The following ACVR1 variants were observed in gnomAD, a reference collection of about 807,000 sequenced individuals.
The protein encoded by ACVR1 is activin A receptor type 1, also known as activin receptor type-1.
A neutral mutation model predicts 57.1 loss-of-function variants in ACVR1; 38 were observed. The observed-to-expected ratio is 0.67, with a 90% CI of 0.51 to 0.87. The LOEUF (loss-of-function observed/expected upper bound fraction) is 0.87. Ranked by LOEUF, ACVR1 falls within the 40% of genes least tolerant of loss-of-function variation. The probability of loss-of-function intolerance (pLI) is 0.00; values close to 1 mark genes in which losing one functional copy is unlikely to be tolerated. For missense variants in ACVR1, 463 were observed against 638.2 expected, an observed-to-expected ratio of 0.73 and a Z score of 2.96; for synonymous variants, 212 against 228.1, an observed-to-expected ratio of 0.93 and a Z score of 0.63.
At chr2:157,797,975 A>G (rs1192097581) in intron 3 of ACVR1, among the ~76,000 whole-genome samples, 1 of 152,184 alleles carries the variant, frequency 6.6e-6, no homozygotes. Flanking sequence ...CCCTTACCAG[A>G]CACTGAATCT....
At chr2:157,764,697 G>A (rs1448118050) in intron 8 of ACVR1, among the ~76,000 whole-genome samples, 2 of 152,080 alleles carry the variant, frequency 1.3e-5, no homozygotes, top group East Asian at 3.9e-4. Flanking sequence ...AAAATACAGG[G>A]TAATTGAGAA....
chr2:157,784,145 A>G (rs915780108), intron 3 of ACVR1, among the ~76,000 whole-genome samples: 1 of 152,194 alleles, frequency 6.6e-6, no homozygotes, highest in African/African-American at 2.4e-5. Flanking sequence ...TGTCAAATTT[A>G]GGAATAAGCA....
intron 1 of ACVR1, among the ~76,000 whole-genome samples, chr2:157,856,621 T>C (rs1689542730): frequency 6.6e-6 from 1 of 152,192 alleles, no homozygotes; most frequent in Non-Finnish European, 1.5e-5. Flanking sequence ...TGAGCTTTGT[T>C]ACAGGGGCTA....
chr2:157,838,966 T>C (rs180926801), intron 1 of ACVR1, among the ~76,000 whole-genome samples: 4 of 152,280 alleles, frequency 2.6e-5, no homozygotes, highest in African/African-American at 9.6e-5. Context: ...AATGCACCAA[T>C]AACTATACTT....
intron 3 of ACVR1, among the ~76,000 whole-genome samples, chr2:157,790,545 T>C (rs929022847): frequency 1.3e-5 from 2 of 152,386 alleles, no homozygotes; most frequent in Admixed American, 1.3e-4. Flanking sequence ...CAGCTCTGGC[T>C]TCTGCTTTCA....
At chr2:157,737,697 C>T in intron 10 of ACVR1, 32 bp from the exon 11 acceptor site, 1 of 1,613,984 alleles carries the variant, frequency 6.2e-7, no homozygotes, top group Admixed American at 1.7e-5. Flanking sequence ...ACCACAATGA[C>T]AAACTGGCTT....
intron 3 of ACVR1, among the ~76,000 whole-genome samples, chr2:157,781,693 A>G (rs1686531106): frequency 6.6e-6 from 1 of 152,208 alleles, no homozygotes; most frequent in East Asian, 1.9e-4. Context: ...AAGCACATCT[A>G]ATCACTCTGC....
At chr2:157,845,846 G>A (rs775435386) in intron 1 of ACVR1, among the ~76,000 whole-genome samples, 3 of 152,186 alleles carry the variant, frequency 2.0e-5, no homozygotes, top group Non-Finnish European at 4.4e-5. Flanking sequence ...ATTAGCCAAT[G>A]GGGAGTCACC....
At position 157,773,722 on chromosome 2, in the gene ACVR1, A is replaced by C. The variant is rs376595764; in HGVS notation, c.643+366T>G. The stretch of plus-strand genomic sequence containing the variant: ...AAGAAGAAAAGAATGAGAGGAATTA[A>C]AGAATTGCAATAAAGAAGTTCATTG... On this transcript the variant is annotated intron_variant, in intron 6 of 10. Transcript: ENST00000434821. Among the ~76,000 whole-genome samples, 10 of 152,230 alleles carry C rather than the reference A, an allele frequency of 6.6e-5. No individual in the cohort carries two copies. In the East Asian group the frequency reaches 1.9e-3, roughly 29 times the overall value.
chr2:157,784,812 G>A (rs142395398), intron 3 of ACVR1, among the ~76,000 whole-genome samples: 132 of 152,298 alleles, frequency 8.7e-4, no homozygotes, highest in Non-Finnish European at 9.4e-4. Flanking sequence ...TCACCACCTG[G>A]GCACACCTCC....
intron 9 of ACVR1, among the ~76,000 whole-genome samples, chr2:157,755,112 A>G (rs1685371688): frequency 1.3e-5 from 2 of 152,278 alleles, no homozygotes; most frequent in South Asian, 4.1e-4. Flanking sequence ...ACATACCTCA[A>G]TGTAATAAAA....
intron 1 of ACVR1, among the ~76,000 whole-genome samples, chr2:157,855,340 ACAC>A (rs1558848513): frequency 0.011 from 1,448 of 133,186 alleles, 21 homozygotes; most frequent in African/African-American, 0.038. Flanking sequence ...ACACACACAC[ACAC>A]ACAAAAATTA....
At chr2:157,814,284 T>C (rs971864949) in intron 2 of ACVR1, among the ~76,000 whole-genome samples, 3 of 152,126 alleles carry the variant, frequency 2.0e-5, no homozygotes, top group Admixed American at 1.3e-4. Context: ...ATTTTGATAA[T>C]AAAAATCATA....
chr2:157,829,191 G>C (rs141960785), intron 1 of ACVR1, among the ~76,000 whole-genome samples: 1 of 152,132 alleles, frequency 6.6e-6, no homozygotes, highest in African/African-American at 2.4e-5. Flanking sequence ...GTCTCTCAAG[G>C]GAGCAAAAGA....
intron 1 of ACVR1, among the ~76,000 whole-genome samples, chr2:157,838,701 CGAG>C (rs1688874821): frequency 6.6e-6 from 1 of 152,088 alleles, no homozygotes. Flanking sequence ...CTGCAGATTC[CGAG>C]GAGGGTCAAG....
chr2:157,757,891 A>C (rs548166758), intron 9 of ACVR1, among the ~76,000 whole-genome samples: 14 of 151,514 alleles, frequency 9.2e-5, no homozygotes, highest in South Asian at 6.2e-4. Flanking sequence ...CACACACACA[A>C]AAACAAACAG....
intron 8 of ACVR1, among the ~76,000 whole-genome samples, chr2:157,763,417 T>A (rs958404077): frequency 5.3e-5 from 8 of 152,144 alleles, no homozygotes; most frequent in African/African-American, 1.9e-4. Flanking sequence ...TTGAATTTTT[T>A]AATAATAAAA....
chr2:157,762,168 C>A (rs193231561), intron 8 of ACVR1, among the ~76,000 whole-genome samples: 1 of 152,308 alleles, frequency 6.6e-6, no homozygotes, highest in African/African-American at 2.4e-5. Context: ...AAATCCTATG[C>A]AATAGTCCCC....
At chr2:157,848,300 C>T (rs1689187024) in intron 1 of ACVR1, among the ~76,000 whole-genome samples, 1 of 151,800 alleles carries the variant, frequency 6.6e-6, no homozygotes, top group Admixed American at 6.6e-5. Context: ...GAAGCTTCCA[C>T]TTCCTGTCTT....
Sources: gnomAD v4.1 joint callset for allele counts (sites outside exome capture counted in the v4.1 genomes callset) on GRCh38, gnomAD v4.1.1 for gene constraint, MANE v1.5 for transcripts, NCBI Gene and HGNC (gene_info 2026-07-23, HGNC 2026-07-21) for gene names.